The following ZFYVE1 variants were observed in gnomAD, a reference collection of about 807,000 sequenced individuals.
ZFYVE1 encodes zinc finger FYVE domain-containing protein 1.
ZFYVE1 carries 30 observed loss-of-function variants against 74.4 expected under a neutral mutation model. The ratio of observed to expected loss-of-function variants is 0.40; its 90% CI spans 0.30 to 0.55. The LOEUF (loss-of-function observed/expected upper bound fraction) is 0.55. Ranked by LOEUF, ZFYVE1 falls within the 20% of genes least tolerant of loss-of-function variation. The probability of loss-of-function intolerance (pLI) is 0.42; values close to 1 mark genes in which losing one functional copy is unlikely to be tolerated. For synonymous variants in ZFYVE1, 335 were observed against 385.1 expected (o/e 0.87, Z 1.52); for missense variants, 703 against 1,011.6 (o/e 0.69, Z 4.14).
At position 73,024,329 on chromosome 14, in the gene ZFYVE1, C is replaced by T; in HGVS notation, c.180G>A (p.Arg60=). The T allele has an allele frequency of 1.9e-6, 3 of 1,614,148 alleles. No homozygotes were observed. The highest frequency in any genetic ancestry group is 2.5e-6 in the Non-Finnish European group (3 of 1,180,028). ...HRQERLRNHE[R]IRLKPGHVPY... ...GGACATGGCCAGGTTTGAGTCTTAT[C>T]CGCTCATGGTTTCTCAGGCGCTCCT... The change falls in exon 2 of 12, where the codon CGG becomes CGA. Residue 60 remains arginine, a synonymous_variant. Transcript: ENST00000556143.
At position 72,978,504 on chromosome 14, in the gene ZFYVE1, T is replaced by C. The variant is rs1594832278; in HGVS notation, c.1420-270A>G. ...ATTGCTGCAGCCCAGGAGGTGGAGGTTGCAGTAAGCCAAGATTGTGCCACT... is the reference window on the plus strand; with the variant it reads ...ATTGCTGCAGCCCAGGAGGTGGAGGCTGCAGTAAGCCAAGATTGTGCCACT... On this transcript the variant is annotated intron_variant, in intron 6 of 11. Coordinates refer to ENST00000556143, the MANE Select transcript of ZFYVE1 (RefSeq NM_021260.4). Among the ~76,000 whole-genome samples the C allele has an allele frequency of 2.3e-5, 3 of 129,050 alleles. 1 individual carries two copies. The highest frequency in any genetic ancestry group is 2.0e-4 in the Admixed American group (2 of 10,234). 84.7% of individuals were successfully genotyped at this position (129,050 alleles called of 152,430 possible). A position where few individuals can be genotyped will look rare whatever the true frequency, so the allele number is the denominator to read the frequency against.
intron 1 of ZFYVE1, 103 bp downstream of exon 1, chr14:73,026,823 C>G (rs1234599734): frequency 6.0e-6 from 2 of 334,266 alleles, no homozygotes; most frequent in East Asian, 8.8e-5. Context: ...CACCCGCCCC[C>G]CCTTCCTCCC....
intron 2 of ZFYVE1, among the ~76,000 whole-genome samples, chr14:73,010,276 G>A (rs1464083262): frequency 6.6e-6 from 1 of 152,020 alleles, no homozygotes; most frequent in East Asian, 1.9e-4. Flanking sequence ...GACTAGGCTG[G>A]CCATCATGGT....
chr14:72,978,385 G>A (rs1321692451), intron 6 of ZFYVE1, 151 bp from the exon 7 acceptor site: 1 of 679,538 alleles, frequency 1.5e-6, no homozygotes, highest in African/African-American at 1.8e-5. Flanking sequence ...TGGCCAACAT[G>A]GTGAAACCCT....
chr14:73,021,354 AAAAT>A (rs71109783), intron 2 of ZFYVE1, among the ~76,000 whole-genome samples: 39,409 of 147,404 alleles, frequency 0.27, 5,768 homozygotes, highest in Non-Finnish European at 0.32. Flanking sequence ...TCTCAAAATA[AAAAT>A]AAATAAATAA....
At chr14:73,008,504 T>G (rs1894026016) in intron 2 of ZFYVE1, among the ~76,000 whole-genome samples, 1 of 152,174 alleles carries the variant, frequency 6.6e-6, no homozygotes. Context: ...AATTCTTTTT[T>G]TAAAAAAAGT....
chr14:72,986,976 C>T, intron 4 of ZFYVE1: 1 of 985,386 alleles, frequency 1.0e-6, no homozygotes, highest in Non-Finnish European at 1.2e-6. Flanking sequence ...GCCCACCTAC[C>T]CCAAGAAAGC....
intron 2 of ZFYVE1, among the ~76,000 whole-genome samples, chr14:73,003,803 T>A (rs1893923857): frequency 6.6e-6 from 1 of 152,210 alleles, no homozygotes; most frequent in African/African-American, 2.4e-5. Context: ...ATACTAACAG[T>A]TCACTGAATG....
Position 72,975,427 on chromosome 14 carries a change from A to C in ZFYVE1, c.1806+124T>G. ...GACTCCTCCCCTTGCCGGTACTCACAGAGCTCACTGCACTGGCAGAAAATG... is the reference window on the plus strand; with the variant it reads ...GACTCCTCCCCTTGCCGGTACTCACCGAGCTCACTGCACTGGCAGAAAATG... On this transcript the variant is annotated intron_variant, in intron 9 of 11. Coordinates refer to ENST00000556143, the MANE Select transcript of ZFYVE1 (RefSeq NM_021260.4). This position sits in a 1 kb window ranked among gnomAD's most constrained non-coding sequence, Gnocchi z 4.1. The C allele has an allele frequency of 5.6e-6, 7 of 1,243,948 alleles. No individual in the cohort carries two copies. Among genetic ancestry groups the C allele is most frequent in the South Asian group, 1.5e-5 (1 of 65,640 alleles). The allele number at this position is 1,243,948 out of a possible 1,614,324, so 77.1% of individuals were successfully genotyped here. A position where few individuals can be genotyped will look rare whatever the true frequency, so the allele number is the denominator to read the frequency against.
chr14:72,992,619 C>CCCT (rs1555532803), intron 4 of ZFYVE1, among the ~76,000 whole-genome samples: 3 of 110,130 alleles, frequency 2.7e-5, no homozygotes, highest in Non-Finnish European at 5.9e-5. Context: ...TCAGGTGCCC[C>CCCT]CCCCGCCCCT....
At chr14:73,004,335 C>G (rs199756331) in intron 2 of ZFYVE1, among the ~76,000 whole-genome samples, 2 of 152,060 alleles carry the variant, frequency 1.3e-5, no homozygotes, top group Admixed American at 6.6e-5. Flanking sequence ...CGACTCTTTA[C>G]AAACAAAACA....
intron 2 of ZFYVE1, among the ~76,000 whole-genome samples, chr14:73,001,483 C>T (rs1893871891): frequency 6.6e-6 from 1 of 152,104 alleles, no homozygotes; most frequent in Non-Finnish European, 1.5e-5. Context: ...CCCCACTGAA[C>T]ACACCGGATC....
At position 72,979,669 on chromosome 14, in the gene ZFYVE1, AT is replaced by A. The variant is rs764390630; in HGVS notation, c.1311-701del. 2.4e-3 allele frequency among the ~76,000 whole-genome samples: 363 copies of A among 151,276 alleles called. 2 individuals carry two copies. The highest frequency in any genetic ancestry group is 8.5e-3 in the African/African-American group (348 of 41,118). On this transcript the variant is annotated intron_variant, in intron 5 of 11. Coordinates refer to ENST00000556143, the MANE Select transcript of ZFYVE1 (RefSeq NM_021260.4). Reference sequence around the variant, plus strand: ...TCTGTCTTTAAAAAAAAAAAAAAAAATACACCCAGAAATCCCTTGTTGGAAA... The same window carrying A: ...TCTGTCTTTAAAAAAAAAAAAAAAAAACACCCAGAAATCCCTTGTTGGAAA...
At chr14:72,981,652 T>G in intron 5 of ZFYVE1, 137 bp downstream of exon 5, 2 of 787,512 alleles carry the variant, frequency 2.5e-6, no homozygotes, top group Non-Finnish European at 4.2e-6. Context: ...AGTGTACCAT[T>G]TTGGATAATT....
chr14:73,003,028 A>C (rs1594854076), intron 2 of ZFYVE1, among the ~76,000 whole-genome samples: 2 of 142,252 alleles, frequency 1.4e-5, no homozygotes, highest in African/African-American at 2.6e-5. Flanking sequence ...AGGTGTGACC[A>C]CCGTGCCCAG....
intron 2 of ZFYVE1, among the ~76,000 whole-genome samples, chr14:73,011,002 C>CAAAAACCAAAGCTTAAAAGAAAAAG (rs1393424649): frequency 6.6e-6 from 1 of 151,644 alleles, no homozygotes; most frequent in East Asian, 1.9e-4. Context: ...TACAAAGGAA[C>CAAAAACCAAAGCTTAAAAGAAAAAG]AAAAACCAAA....
Position 73,024,143 on chromosome 14 carries a change from A to G in ZFYVE1, c.366T>C (p.Asn122=). The change falls in exon 2 of 12, where the codon AAT becomes AAC. Residue 122 remains asparagine (N), a synonymous_variant. Transcript: ENST00000556143. ...CCAGTGACTCCTGGAGATTACTGAC[A>G]TTGTACACAGTAACAGGGTGTCTCC... ...NKRRHPVTVY[N]VSNLQESLEA... is the part of the protein sequence containing the mutation. The G allele has an allele frequency of 6.2e-7, 1 of 1,614,132 alleles. No individual in the cohort carries two copies. Among genetic ancestry groups the G allele is most frequent in the East Asian group, 2.2e-5 (1 of 44,880 alleles).
At chr14:72,985,626 C>T (rs1041975967) in intron 4 of ZFYVE1, among the ~76,000 whole-genome samples, 1 of 151,686 alleles carries the variant, frequency 6.6e-6, no homozygotes, top group African/African-American at 2.4e-5. Flanking sequence ...GCCACCGCAC[C>T]TGGCCAAGAT....
chr14:73,001,141 A>G (rs1051451236), intron 2 of ZFYVE1, among the ~76,000 whole-genome samples: 1 of 152,186 alleles, frequency 6.6e-6, no homozygotes, highest in African/African-American at 2.4e-5. Context: ...AATGTTGTTT[A>G]TTTATTGAAG....
Sources: allele counts gnomAD v4.1 joint callset (sites outside exome capture counted in the v4.1 genomes callset), GRCh38; gene constraint gnomAD v4.1.1; non-coding constraint Gnocchi (gnomAD v3.1); transcripts MANE v1.5; gene names NCBI Gene and HGNC (gene_info 2026-07-23, HGNC 2026-07-21).